AGAP1: variants seen among roughly 807,000 people sequenced by gnomAD.
AGAP1 encodes the protein ArfGAP with GTPase domain, ankyrin repeat and PH domain 1.
In AGAP1, 29 loss-of-function variants were observed where a neutral mutation model predicts 105.3. The ratio of observed to expected loss-of-function variants is 0.28; its 90% CI spans 0.21 to 0.38. The LOEUF (loss-of-function observed/expected upper bound fraction) is 0.38, where lower values mean the gene tolerates loss of function less well. Ranked by LOEUF, AGAP1 falls within the 10% of genes least tolerant of loss-of-function variation. The pLI is 1.00. For missense variants in AGAP1, 998 were observed against 1,165.1 expected (o/e 0.86, Z 2.09); for synonymous variants, 509 against 485.9 (o/e 1.05, Z -0.63).
At chr2:235,921,250 A>G (rs2125104823) in intron 11 of AGAP1, among the ~76,000 whole-genome samples, 1 of 152,354 alleles carries the variant, frequency 6.6e-6, no homozygotes, top group South Asian at 2.1e-4. Context: ...ATAATGTTAC[A>G]TATCTAAAAT....
At chr2:235,572,577 G>T (rs1161689938) in intron 1 of AGAP1, among the ~76,000 whole-genome samples, 1 of 152,168 alleles carries the variant, frequency 6.6e-6, no homozygotes, top group Non-Finnish European at 1.5e-5. Flanking sequence ...CATCTCTGAA[G>T]TCCCTCCTAT....
Position 235,662,892 on chromosome 2 carries a change from T to G in AGAP1, c.164-46287T>G, listed in dbSNP as rs1459492157. ...TTATTCCATCTTACTGTGTCAGATG[T>G]GATTCCGGGGACGCAGTTCTTTCTT... is the stretch of plus-strand genomic sequence containing the variant. On this transcript the variant is annotated intron_variant, in intron 1 of 17. Coordinates refer to ENST00000304032, the MANE Select transcript of AGAP1 (RefSeq NM_001037131.3). The surrounding 1 kb of genome is among the most constrained non-coding windows in gnomAD (Gnocchi z 4.2). Among the ~76,000 whole-genome samples, 1 of 152,150 alleles carries G rather than the reference T, an allele frequency of 6.6e-6. No individual in the cohort carries two copies. Among genetic ancestry groups the G allele is most frequent in the Non-Finnish European group, 1.5e-5 (1 of 68,030 alleles).
At chr2:235,674,365 T>C (rs1948608019) in intron 1 of AGAP1, among the ~76,000 whole-genome samples, 1 of 152,150 alleles carries the variant, frequency 6.6e-6, no homozygotes. Context: ...TAATAAATGA[T>C]AAATGACATT....
chr2:235,710,878 G>A (rs746322825), intron 2 of AGAP1, among the ~76,000 whole-genome samples: 31 of 152,196 alleles, frequency 2.0e-4, no homozygotes, highest in East Asian at 1.5e-3. Context: ...TGGATACAGC[G>A]CTGGCTCTGT....
At position 235,556,679 on chromosome 2, in the gene AGAP1, CAAAT is replaced by C. The variant is rs1439080139; in HGVS notation, c.163+61831_163+61834del. Among the ~76,000 whole-genome samples, 3 of 152,212 alleles carry C rather than the reference CAAAT, an allele frequency of 2.0e-5. No individual in the cohort carries two copies. The highest frequency in any genetic ancestry group is 7.2e-5 in the African/African-American group (3 of 41,446). ...ACATGCTACTATATGTAAATTAACA[CAAAT>C]GAATGTAAGATAGTTATATGTGTCT... On this transcript the variant is annotated intron_variant, in intron 1 of 17. Transcript: ENST00000304032. The surrounding 1 kb of genome is among the most constrained non-coding windows in gnomAD (Gnocchi z 5.3).
chr2:235,755,627 G>T (rs962703115), intron 6 of AGAP1, among the ~76,000 whole-genome samples: 7 of 152,220 alleles, frequency 4.6e-5, no homozygotes, highest in African/African-American at 1.7e-4. Context: ...ATTTAGTAGA[G>T]ACTGGTTTTT....
At chr2:235,694,245 C>T (rs560467742) in intron 1 of AGAP1, among the ~76,000 whole-genome samples, 27 of 148,640 alleles carry the variant, frequency 1.8e-4, no homozygotes, top group African/African-American at 4.4e-4. Context: ...TTTAGGAGGC[C>T]GAGGCGGGCG....
Position 235,555,413 on chromosome 2 carries a change from C to CAAGCAG in AGAP1, c.163+60565_163+60570dup. Among the ~76,000 whole-genome samples the CAAGCAG allele has an allele frequency of 6.6e-6, 1 of 152,196 alleles. No homozygotes were observed. The highest frequency in any genetic ancestry group is 1.9e-4 in the East Asian group (1 of 5,196). On this transcript the variant is annotated intron_variant, in intron 1 of 17. Transcript: ENST00000304032. The surrounding 1 kb of genome is among the most constrained non-coding windows in gnomAD (Gnocchi z 5.1). The stretch of plus-strand genomic sequence containing the variant: ...TCCTGCCAGTGACACACGTGGACCT[C>CAAGCAG]AAGCAGGTGGATGGGTGGAGCTCAG...
chr2:235,515,665 A>G (rs2316433), intron 1 of AGAP1, among the ~76,000 whole-genome samples: 101,423 of 152,126 alleles, frequency 0.67, 33,922 homozygotes, highest in Admixed American at 0.72. Context: ...TGCAGCCTTT[A>G]AAAGAGAATG....
At chr2:235,826,999 G>A (rs573188539) in intron 9 of AGAP1, among the ~76,000 whole-genome samples, 1 of 152,242 alleles carries the variant, frequency 6.6e-6, no homozygotes, top group East Asian at 1.9e-4. Flanking sequence ...GGAGAATTCA[G>A]TACCAGATCC....
chr2:235,497,192 A>G (rs1941354811), intron 1 of AGAP1, among the ~76,000 whole-genome samples: 1 of 152,150 alleles, frequency 6.6e-6, no homozygotes, highest in African/African-American at 2.4e-5. Flanking sequence ...AGGGAGGGAT[A>G]ATGACCTCCT....
chr2:235,849,598 T>C (rs576040090), intron 9 of AGAP1, among the ~76,000 whole-genome samples: 2 of 152,268 alleles, frequency 1.3e-5, no homozygotes, highest in South Asian at 4.1e-4. Context: ...GCCTGTACGC[T>C]CAGAGCTCAG....
chr2:236,041,349 A>G (rs967100581), intron 15 of AGAP1, among the ~76,000 whole-genome samples: 3 of 151,680 alleles, frequency 2.0e-5, no homozygotes, highest in Non-Finnish European at 1.5e-5. Flanking sequence ...TTAAATTCAC[A>G]ATCATATGTT....
chr2:235,699,968 C>T (rs1950174977), intron 1 of AGAP1, among the ~76,000 whole-genome samples: 1 of 152,174 alleles, frequency 6.6e-6, no homozygotes, highest in African/African-American at 2.4e-5. Flanking sequence ...GTTTCTGTAG[C>T]TTGGGATGAA....
At chr2:235,637,527 C>G (rs1443355095) in intron 1 of AGAP1, among the ~76,000 whole-genome samples, 1 of 152,028 alleles carries the variant, frequency 6.6e-6, no homozygotes, top group Admixed American at 6.6e-5. Flanking sequence ...AGCTATCCTC[C>G]TGCCTCAGCC....
intron 9 of AGAP1, among the ~76,000 whole-genome samples, chr2:235,819,208 C>T (rs1473848402): frequency 2.6e-5 from 4 of 151,674 alleles, no homozygotes; most frequent in Non-Finnish European, 4.4e-5. Context: ...CTCTGCCTCC[C>T]GTGTTGAATT....
intron 10 of AGAP1, among the ~76,000 whole-genome samples, chr2:235,898,646 A>T (rs2050922416): frequency 6.6e-6 from 1 of 152,198 alleles, no homozygotes; most frequent in African/African-American, 2.4e-5. Flanking sequence ...ATTGGACAAG[A>T]GTGGTGAGAG....
In AGAP1 at chr2:235,569,750, C is replaced by T. The variant is rs933160684; in HGVS notation, c.163+74901C>T. On this transcript the variant is annotated intron_variant, in intron 1 of 17. Transcript: ENST00000304032. This position sits in a 1 kb window ranked among gnomAD's most constrained non-coding sequence, Gnocchi z 5.9. Reference sequence around the variant, plus strand: ...AGGAGATGCAGGTCTTTCTATGGAACCTGTAGGTTCTGAGACCGAGCCTTG... The same window carrying T: ...AGGAGATGCAGGTCTTTCTATGGAATCTGTAGGTTCTGAGACCGAGCCTTG... Among the ~76,000 whole-genome samples the T allele has an allele frequency of 6.6e-6, 1 of 152,154 alleles. No homozygotes were observed. The highest frequency in any genetic ancestry group is 2.4e-5 in the African/African-American group (1 of 41,420).
chr2:235,552,885 C>T lies in AGAP1; in HGVS notation c.163+58036C>T, dbSNP rs1943858493. Among the ~76,000 whole-genome samples, 1 of 152,166 alleles carries T rather than the reference C, an allele frequency of 6.6e-6. No homozygotes were observed. Among genetic ancestry groups the T allele is most frequent in the Admixed American group, 6.5e-5 (1 of 15,276 alleles). On this transcript the variant is annotated intron_variant, in intron 1 of 17. Coordinates refer to ENST00000304032, the MANE Select transcript of AGAP1 (RefSeq NM_001037131.3). The surrounding 1 kb of genome is among the most constrained non-coding windows in gnomAD (Gnocchi z 5.9). ...AGAGCATTGGAGGCCTTGTTGTGGG[C>T]TCAAGGAGTGCAGAGAGGCAGCGCC...
Sources: allele counts gnomAD v4.1 joint callset (sites outside exome capture counted in the v4.1 genomes callset), GRCh38; gene constraint gnomAD v4.1.1; non-coding constraint Gnocchi (gnomAD v3.1); transcripts MANE v1.5; gene names NCBI Gene and HGNC (gene_info 2026-07-23, HGNC 2026-07-21).